KCNQ1OT1: variants seen among roughly 807,000 people sequenced by gnomAD.
KCNQ1OT1 encodes the protein KCNQ1 antisense RNA 2 (non-protein coding).
exon 1 of KCNQ1OT1, chr11:2,648,667 A>C: frequency 2.5e-6 from 1 of 398,544 alleles, no homozygotes; most frequent in Non-Finnish European, 4.4e-6. Flanking sequence ...TTAAAAATTT[A>C]TTGAGACCCG....
exon 1 of KCNQ1OT1, chr11:2,699,595 C>T (rs913502142): frequency 1.7e-5 from 6 of 348,358 alleles, no homozygotes; most frequent in Admixed American, 9.6e-5. Context: ...AGAACAGAAC[C>T]GCGGCGAGAG....
Position 2,623,337 on chromosome 11 carries a change from T to C in KCNQ1OT1, n.76658A>G. On this transcript the variant is annotated non_coding_transcript_exon_variant, in exon 1 of 1. Transcript: ENST00000597346. This position sits in a 1 kb window ranked among gnomAD's most constrained non-coding sequence, Gnocchi z 5.2. ...GAGAACGGACTAATATGCATGTATC[T>C]ACCATTATAGTATCATACAGATACG... 1 of 398,686 alleles carries C rather than the reference T, an allele frequency of 2.5e-6. No homozygotes were observed. The highest frequency in any genetic ancestry group is 4.4e-6 in the Non-Finnish European group (1 of 226,052). The allele number at this position is 398,686 out of a possible 1,614,324, so 24.7% of individuals were successfully genotyped here.
In KCNQ1OT1 at chr11:2,624,427, C is replaced by G; in HGVS notation, n.75568G>C. On this transcript the variant is annotated non_coding_transcript_exon_variant, in exon 1 of 1. Coordinates refer to ENST00000597346, the Ensembl canonical transcript of KCNQ1OT1. This position sits in a 1 kb window ranked among gnomAD's most constrained non-coding sequence, Gnocchi z 4.9. The stretch of plus-strand genomic sequence containing the variant: ...CAGAAACTTTTATTTTTAACAAAGT[C>G]TAGCTTATCAATTATTTCTTTCATG... 2.5e-6 allele frequency: 1 copy of G among 398,416 alleles called. No homozygotes were observed. Among genetic ancestry groups the G allele is most frequent in the East Asian group, 3.6e-5 (1 of 28,038 alleles). 24.7% of individuals were successfully genotyped at this position (398,416 alleles called of 1,614,324 possible).
chr11:2,631,246 T>G, exon 1 of KCNQ1OT1: 2 of 398,556 alleles, frequency 5.0e-6, no homozygotes, highest in Non-Finnish European at 8.8e-6. Flanking sequence ...TGGTGTCCCA[T>G]AAATCCTGTA....
exon 1 of KCNQ1OT1, chr11:2,614,893 T>G (rs1435903735): frequency 7.5e-6 from 3 of 398,328 alleles, no homozygotes; most frequent in Non-Finnish European, 1.3e-5. Flanking sequence ...AAATTCCATT[T>G]ACATTTTAAA....
chr11:2,664,913 C>T lies in KCNQ1OT1; in HGVS notation n.35082G>A. The stretch of plus-strand genomic sequence containing the variant: ...ACACATTTTGTTTCCATCTCGAGCT[C>T]TCCCCGCCCGCAGGGCCCCAGAGAG... On this transcript the variant is annotated non_coding_transcript_exon_variant, in exon 1 of 1. Coordinates refer to ENST00000597346, the Ensembl canonical transcript of KCNQ1OT1. The surrounding 1 kb of genome is among the most constrained non-coding windows in gnomAD (Gnocchi z 5.1). The T allele has an allele frequency of 1.3e-5, 5 of 398,668 alleles. No individual in the cohort carries two copies. Among genetic ancestry groups the T allele is most frequent in the Non-Finnish European group, 2.2e-5 (5 of 226,086 alleles). 24.7% of individuals were successfully genotyped at this position (398,668 alleles called of 1,614,324 possible). A position where few individuals can be genotyped will look rare whatever the true frequency, so the allele number is the denominator to read the frequency against.
rs1285635945 is a variant in KCNQ1OT1 at position 2,671,333 on chromosome 11, C to T, written n.28662G>A. On this transcript the variant is annotated non_coding_transcript_exon_variant, in exon 1 of 1. Coordinates refer to ENST00000597346, the Ensembl canonical transcript of KCNQ1OT1. The surrounding 1 kb of genome is among the most constrained non-coding windows in gnomAD (Gnocchi z 4.7). ...CCATGTGTGGCTGCAGCCTCAGAGG[C>T]TCCCTCTGAAGATGACACTGGGAAT... 2 of 398,610 alleles carry T rather than the reference C, an allele frequency of 5.0e-6. No homozygotes were observed. Among genetic ancestry groups the T allele is most frequent in the East Asian group, 7.1e-5 (2 of 28,076 alleles). The allele number at this position is 398,610 out of a possible 1,614,324, so 24.7% of individuals were successfully genotyped here.
chr11:2,699,982 C>T (rs1281857133), exon 1 of KCNQ1OT1: 4 of 398,262 alleles, frequency 1.0e-5, no homozygotes, highest in Admixed American at 8.8e-5. Flanking sequence ...TGAGGCGACG[C>T]GGCGACCGTT....
exon 1 of KCNQ1OT1, chr11:2,618,482 G>A (rs11023485): frequency 0.26 from 103,518 of 398,280 alleles, 16,680 homozygotes; most frequent in East Asian, 0.62. Flanking sequence ...TGTTTTCTTC[G>A]TGTTCTTGTG....
Position 2,626,652 on chromosome 11 carries a change from T to A in KCNQ1OT1, n.73343A>T. The stretch of plus-strand genomic sequence containing the variant: ...CAAGCAATCCTCCCACCTCGGCTTC[T>A]TGAGTAGCTGGGAATAGAAGTGTGT... On this transcript the variant is annotated non_coding_transcript_exon_variant, in exon 1 of 1. Transcript: ENST00000597346. This position sits in a 1 kb window ranked among gnomAD's most constrained non-coding sequence, Gnocchi z 4.0. 1 of 398,566 alleles carries A rather than the reference T, an allele frequency of 2.5e-6. No individual in the cohort carries two copies. Among genetic ancestry groups the A allele is most frequent in the Non-Finnish European group, 4.4e-6 (1 of 226,072 alleles). 24.7% of individuals were successfully genotyped at this position (398,566 alleles called of 1,614,324 possible). A position where few individuals can be genotyped will look rare whatever the true frequency, so the allele number is the denominator to read the frequency against.
exon 1 of KCNQ1OT1, chr11:2,632,834 GT>G: frequency 2.5e-6 from 1 of 398,402 alleles, no homozygotes; most frequent in African/African-American, 2.1e-5. Flanking sequence ...GGAGATTTAA[GT>G]TGATTCCATA....
At position 2,624,346 on chromosome 11, in the gene KCNQ1OT1, A is replaced by G. The variant is rs1306775052; in HGVS notation, n.75649T>C. 2.5e-6 allele frequency: 1 copy of G among 398,484 alleles called. No homozygotes were observed. The highest frequency in any genetic ancestry group is 2.1e-5 in the African/African-American group (1 of 48,726). 24.7% of individuals were successfully genotyped at this position (398,484 alleles called of 1,614,324 possible). On this transcript the variant is annotated non_coding_transcript_exon_variant, in exon 1 of 1. Transcript: ENST00000597346. The surrounding 1 kb of genome is among the most constrained non-coding windows in gnomAD (Gnocchi z 4.9). ...TTTATCAGGTATATCTTTTACAAGTATTGTCTCCCTTCTGTGGCCTGTCCT... is the reference window on the plus strand; with the variant it reads ...TTTATCAGGTATATCTTTTACAAGTGTTGTCTCCCTTCTGTGGCCTGTCCT...
chr11:2,696,379 G>A, exon 1 of KCNQ1OT1: 1 of 398,624 alleles, frequency 2.5e-6, no homozygotes. Context: ...GATATGTGGT[G>A]CCACCTTTAT....
At position 2,671,771 on chromosome 11, in the gene KCNQ1OT1, A is replaced by C. The variant is rs1850187626; in HGVS notation, n.28224T>G. The C allele has an allele frequency of 2.5e-6, 1 of 398,562 alleles. No individual in the cohort carries two copies. The highest frequency in any genetic ancestry group is 4.4e-6 in the Non-Finnish European group (1 of 226,134). 24.7% of individuals were successfully genotyped at this position (398,562 alleles called of 1,614,324 possible). ...TACATACACATACATGCATGCACAT[A>C]ATCATTCTGACCCAGTCAGGGTTCT... On this transcript the variant is annotated non_coding_transcript_exon_variant, in exon 1 of 1. Coordinates refer to ENST00000597346, the Ensembl canonical transcript of KCNQ1OT1. The surrounding 1 kb of genome is among the most constrained non-coding windows in gnomAD (Gnocchi z 4.7).
chr11:2,641,129 G>A (rs1243831841), exon 1 of KCNQ1OT1: 3 of 398,244 alleles, frequency 7.5e-6, no homozygotes, highest in African/African-American at 4.1e-5. Context: ...CAATAAACAC[G>A]GGGATGCAGG....
chr11:2,618,287 C>T, exon 1 of KCNQ1OT1: 2 of 398,466 alleles, frequency 5.0e-6, no homozygotes, highest in Non-Finnish European at 4.4e-6. Flanking sequence ...AATACACTAA[C>T]AATAACAACA....
In KCNQ1OT1 at chr11:2,624,328, G is replaced by C; in HGVS notation, n.75667C>G. On this transcript the variant is annotated non_coding_transcript_exon_variant, in exon 1 of 1. Coordinates refer to ENST00000597346, the Ensembl canonical transcript of KCNQ1OT1. This position sits in a 1 kb window ranked among gnomAD's most constrained non-coding sequence, Gnocchi z 4.9. ...TATATTTTGGATGAGTCCTTTATCA[G>C]GTATATCTTTTACAAGTATTGTCTC... 2.5e-6 allele frequency: 1 copy of C among 398,498 alleles called. No individual in the cohort carries two copies. 24.7% of individuals were successfully genotyped at this position (398,498 alleles called of 1,614,324 possible). A position where few individuals can be genotyped will look rare whatever the true frequency, so the allele number is the denominator to read the frequency against.
At position 2,657,242 on chromosome 11, in the gene KCNQ1OT1, A is replaced by G; in HGVS notation, n.42753T>C. On this transcript the variant is annotated non_coding_transcript_exon_variant, in exon 1 of 1. Transcript: ENST00000597346. The surrounding 1 kb of genome is among the most constrained non-coding windows in gnomAD (Gnocchi z 4.8). ...AGTCGCAGTTAGAATCAGCTTGCCAAAGTTCTCACACAGAAGCCTTGAGAT... is the reference window on the plus strand; with the variant it reads ...AGTCGCAGTTAGAATCAGCTTGCCAGAGTTCTCACACAGAAGCCTTGAGAT... 2.5e-6 allele frequency: 1 copy of G among 398,632 alleles called. No individual in the cohort carries two copies. The allele number at this position is 398,632 out of a possible 1,614,324, so 24.7% of individuals were successfully genotyped here. A position where few individuals can be genotyped will look rare whatever the true frequency, so the allele number is the denominator to read the frequency against.
chr11:2,645,232 T>G lies in KCNQ1OT1; in HGVS notation n.54763A>C. The G allele has an allele frequency of 2.5e-6, 1 of 398,556 alleles. No homozygotes were observed. Among genetic ancestry groups the G allele is most frequent in the Admixed American group, 4.4e-5 (1 of 22,722 alleles). 24.7% of individuals were successfully genotyped at this position (398,556 alleles called of 1,614,324 possible). A position where few individuals can be genotyped will look rare whatever the true frequency, so the allele number is the denominator to read the frequency against. On this transcript the variant is annotated non_coding_transcript_exon_variant, in exon 1 of 1. Coordinates refer to ENST00000597346, the Ensembl canonical transcript of KCNQ1OT1. This position sits in a 1 kb window ranked among gnomAD's most constrained non-coding sequence, Gnocchi z 5.8. ...GTCCCAAGGCCCACAGGTGGCAAAT[T>G]CAAGTGAATGCCAGTTGTGGTGGTA...
Sources: gnomAD v4.1 joint callset for allele counts on GRCh38, gnomAD v4.1.1 for gene constraint, Gnocchi (gnomAD v3.1) non-coding constraint, MANE v1.5 for transcripts, NCBI Gene and HGNC (gene_info 2026-07-23, HGNC 2026-07-21) for gene names.